LIPA: variants seen among roughly 807,000 people sequenced by gnomAD.
LIPA encodes lysosomal acid lipase/cholesteryl ester hydrolase.
In LIPA, 26 loss-of-function variants were observed where a neutral mutation model predicts 40.6. That is an observed-to-expected ratio of 0.64 (90% CI 0.47 to 0.89). The LOEUF (loss-of-function observed/expected upper bound fraction) is 0.89, where lower values mean the gene tolerates loss of function less well. Among genes scored for constraint, LIPA ranks in the 40% least tolerant of loss-of-function variants. LIPA has a pLI of 0.00. For synonymous variants in LIPA, 188 were observed against 168.4 expected, an observed-to-expected ratio of 1.12 and a Z score of -0.90; for missense variants, 455 against 479.6, an observed-to-expected ratio of 0.95 and a Z score of 0.48.
chr10:89,222,009 G>T (rs887075047), intron 8 of LIPA, among the ~76,000 whole-genome samples: 2 of 152,142 alleles, frequency 1.3e-5, no homozygotes, highest in African/African-American at 4.8e-5. Flanking sequence ...AAAGTCAGGG[G>T]CCCCCATTCA....
intron 8 of LIPA, among the ~76,000 whole-genome samples, chr10:89,221,317 T>C (rs949800641): frequency 6.6e-6 from 1 of 151,954 alleles, no homozygotes; most frequent in Non-Finnish European, 1.5e-5. Flanking sequence ...ATCGCACCAC[T>C]ACACTCCAGC....
At chr10:89,401,527 G>A (rs774507629) in intron 2 of LIPA, among the ~76,000 whole-genome samples, 5 of 152,086 alleles carry the variant, frequency 3.3e-5, no homozygotes, top group Non-Finnish European at 5.9e-5. Flanking sequence ...GACCATAAAG[G>A]GGTAATATGA....
intron 1 of LIPA, among the ~76,000 whole-genome samples, chr10:89,309,564 G>T (rs931503655): frequency 6.6e-6 from 1 of 152,138 alleles, no homozygotes; most frequent in Non-Finnish European, 1.5e-5. Context: ...AAAATGGACA[G>T]GTATGCCGAC....
chr10:89,227,117 A>T (rs1210418681), intron 4 of LIPA, 113 bp from the exon 5 acceptor site: 4 of 753,774 alleles, frequency 5.3e-6, no homozygotes, highest in Non-Finnish European at 7.1e-6. Flanking sequence ...TGGGAAAACC[A>T]GCAGTGAGTC....
intron 7 of LIPA, 50 bp from the exon 8 acceptor site, chr10:89,222,632 C>T (rs1403864921): frequency 2.6e-6 from 3 of 1,142,536 alleles, no homozygotes; most frequent in Admixed American, 3.4e-5. Context: ...ATTAAGGTGG[C>T]ATTGATAATA....
At chr10:89,390,434 A>G (rs1844237541) in intron 2 of LIPA, among the ~76,000 whole-genome samples, 1 of 152,138 alleles carries the variant, frequency 6.6e-6, no homozygotes. Context: ...CCTATTCCAA[A>G]TGACTTCTCA....
At chr10:89,289,167 A>T (rs1209288844) in intron 1 of LIPA, among the ~76,000 whole-genome samples, 4 of 152,188 alleles carry the variant, frequency 2.6e-5, no homozygotes, top group African/African-American at 9.6e-5. Flanking sequence ...ATCTCTTCCC[A>T]CACAAGGCAA....
chr10:89,248,448 ATTTATTTATTTATTTATTTAT>A (rs1843065442), intron 1 of LIPA, among the ~76,000 whole-genome samples: 7 of 68,252 alleles, frequency 1.0e-4, no homozygotes, highest in Admixed American at 3.4e-4. Context: ...TTTTATATTT[ATTTATTTATTTATTTATTTAT>A]TTATTTATTT....
intron 2 of LIPA, chr10:89,362,586 CTTTGCCTGGGCTGGGGCAAA>C (rs1844029823): frequency 3.0e-6 from 1 of 329,356 alleles, no homozygotes; most frequent in East Asian, 5.4e-5. Context: ...CCTGGGGCAA[CTTTGCCTGGGCTGGGGCAAA>C]TTTGCCTGGG....
intron 2 of LIPA, among the ~76,000 whole-genome samples, chr10:89,390,166 A>G (rs1023862677): frequency 6.6e-6 from 1 of 151,774 alleles, no homozygotes; most frequent in African/African-American, 2.4e-5. Flanking sequence ...ATGTATTTTT[A>G]GTAGAGACGG....
At chr10:89,252,743 T>C (rs1279833554), upstream of LIPA, among the ~76,000 whole-genome samples, 1 of 149,980 alleles carries the variant, frequency 6.7e-6, no homozygotes, top group Non-Finnish European at 1.5e-5. Context: ...TAGGTGGAGG[T>C]TGCAGTGAGC....
intron 1 of LIPA, chr10:89,278,128 C>T (rs1022949562): frequency 2.0e-5 from 3 of 152,164 alleles, no homozygotes; most frequent in African/African-American, 7.2e-5. Context: ...AAGAGGGACA[C>T]AGCAGGAAAA....
chr10:89,399,156 G>C (rs1345864996), intron 2 of LIPA, among the ~76,000 whole-genome samples: 1 of 151,836 alleles, frequency 6.6e-6, no homozygotes, highest in Non-Finnish European at 1.5e-5. Context: ...ATGTTTATTG[G>C]CCATTTGTAT....
chr10:89,373,460 A>G (rs1844104470), intron 2 of LIPA, among the ~76,000 whole-genome samples: 1 of 152,082 alleles, frequency 6.6e-6, no homozygotes, highest in Non-Finnish European at 1.5e-5. Context: ...CTTTCAGAGC[A>G]GAGAAGTTCC....
At chr10:89,369,384 G>A (rs1416588138) in intron 2 of LIPA, among the ~76,000 whole-genome samples, 1 of 152,166 alleles carries the variant, frequency 6.6e-6, no homozygotes, top group Non-Finnish European at 1.5e-5. Context: ...CTCCTGGACT[G>A]TGCCTATTCT....
Position 89,367,222 on chromosome 10 carries a change from T to C in LIPA, c.61+45569A>G, listed in dbSNP as rs533517278. Among the ~76,000 whole-genome samples, 3 of 152,108 alleles carry C rather than the reference T, an allele frequency of 2.0e-5. No individual in the cohort carries two copies. In the East Asian group the frequency reaches 5.8e-4, roughly 29 times the overall value. The stretch of plus-strand genomic sequence containing the variant: ...ATAGCATTAGGAGATATACCTAATG[T>C]AAATGACAAGTTAATTGGTGCAGCA... On this transcript the variant is annotated intron_variant, in intron 2 of 8. Coordinates refer to the LIPA transcript ENST00000371837.
chr10:89,412,381 G>A lies in LIPA; in HGVS notation c.61+410C>T, dbSNP rs570341676. Among the ~76,000 whole-genome samples the A allele has an allele frequency of 2.6e-5, 4 of 152,176 alleles. No individual in the cohort carries two copies. In the South Asian group the frequency reaches 8.3e-4, roughly 32 times the overall value. The stretch of plus-strand genomic sequence containing the variant: ...GGACCAATCAGCACTCTGTAAAATG[G>A]ACCAATCAGCACTCTGTAAAATGGA... On this transcript the variant is annotated intron_variant, in intron 2 of 8. Transcript: ENST00000371837.
intron 1 of LIPA, chr10:89,284,128 GGAGCCAGAGACGAA>G (rs1341387659): frequency 6.6e-6 from 1 of 152,204 alleles, no homozygotes; most frequent in Admixed American, 6.5e-5. Context: ...GCCAGAGCCT[GGAGCCAGAGACGAA>G]CGTCCCTCAT....
intron 1 of LIPA, among the ~76,000 whole-genome samples, chr10:89,331,231 G>A (rs958487976): frequency 6.6e-6 from 1 of 152,156 alleles, no homozygotes; most frequent in African/African-American, 2.4e-5. Context: ...GGAGTGCAGT[G>A]GCCCGATCAT....
Sources: allele counts gnomAD v4.1 joint callset (sites outside exome capture counted in the v4.1 genomes callset), GRCh38; gene constraint gnomAD v4.1.1; transcripts MANE v1.5; gene names NCBI Gene and HGNC (gene_info 2026-07-23, HGNC 2026-07-21).